Variants in SHISA9 observed in about 807,000 individuals in gnomAD.
SHISA9 encodes the protein shisa family member 9.
Under a neutral mutation model 38.0 loss-of-function variants are expected in SHISA9, and 13 were observed. The ratio of observed to expected loss-of-function variants is 0.34; its 90% CI spans 0.22 to 0.54. The LOEUF is 0.54. Ranked by LOEUF, SHISA9 falls within the 20% of genes least tolerant of loss-of-function variation. SHISA9 has a pLI of 0.91. For synonymous variants in SHISA9, 275 were observed against 242.0 expected (o/e 1.14, Z -1.27); for missense variants, 538 against 575.8 (o/e 0.93, Z 0.67).
Position 12,902,509 on chromosome 16 carries a change from A to G in SHISA9, c.445A>G (p.Lys149Glu). Residue 149 changes from lysine to glutamate, a missense_variant, in exon 1 of 5, where the codon AAG becomes GAG. Physicochemically the swap from Lys to Glu is moderately conservative, Grantham distance 56. Transcript: ENST00000558583. ...DDPLHDPTKD[K>E]TNLIVYIICG... ...CCCCTTGCACGACCCCACCAAGGAC[A>G]AGACCAACCTGATCGTCTACATCAT... 1 of 1,551,522 alleles carries G rather than the reference A, an allele frequency of 6.4e-7. No homozygotes were observed. The highest frequency in any genetic ancestry group is 8.7e-7 in the Non-Finnish European group (1 of 1,146,982).
intron 4 of SHISA9, among the ~76,000 whole-genome samples, chr16:13,219,954 T>A (rs1024222058): frequency 4.0e-5 from 6 of 151,896 alleles, no homozygotes; most frequent in African/African-American, 1.5e-4. Flanking sequence ...TGAGACTCCA[T>A]CTCAGAAAAA....
At chr16:13,068,930 A>G (rs2073468890) in intron 2 of SHISA9, among the ~76,000 whole-genome samples, 2 of 152,126 alleles carry the variant, frequency 1.3e-5, no homozygotes, top group Admixed American at 6.5e-5. Flanking sequence ...ACGTGTGTAC[A>G]TGCAATGTGT....
At chr16:13,250,133 C>T in the SHISA9 span, among the ~76,000 whole-genome samples, 2 of 152,186 alleles carry the variant, frequency 1.3e-5, no homozygotes, top group African/African-American at 4.8e-5. Context: ...CCTTTCAAGT[C>T]CCTGGCTCCT....
the SHISA9 span, among the ~76,000 whole-genome samples, chr16:13,428,865 A>G: frequency 6.6e-6 from 1 of 150,602 alleles, no homozygotes; most frequent in Admixed American, 6.6e-5. Flanking sequence ...TCCCAGGTTC[A>G]AGTGATTCTC....
At chr16:13,300,082 G>T in the SHISA9 span, among the ~76,000 whole-genome samples, 3 of 152,192 alleles carry the variant, frequency 2.0e-5, no homozygotes, top group South Asian at 6.2e-4. Context: ...TTCCAGGAAA[G>T]ACAGACTAAA....
chr16:12,919,562 C>G (rs1414856019), intron 2 of SHISA9, among the ~76,000 whole-genome samples: 1 of 152,118 alleles, frequency 6.6e-6, no homozygotes, highest in Non-Finnish European at 1.5e-5. Context: ...TATTCTTTCT[C>G]TTAAGTTTTA....
At chr16:13,407,070 CAAAAAAAAAAAA>C in the SHISA9 span, among the ~76,000 whole-genome samples, 1 of 45,594 alleles carries the variant, frequency 2.2e-5, no homozygotes, top group Admixed American at 3.1e-4. Flanking sequence ...CTCTGTCTCA[CAAAAAAAAAAAA>C]AAAAAAAAAA....
At chr16:13,500,649 T>C in the SHISA9 span, among the ~76,000 whole-genome samples, 1 of 141,830 alleles carries the variant, frequency 7.1e-6, no homozygotes, top group Non-Finnish European at 1.5e-5. Context: ...GGGCAGGGGG[T>C]TGGGGGAGAG....
chr16:13,457,996 C>T, the SHISA9 span, among the ~76,000 whole-genome samples: 2 of 151,952 alleles, frequency 1.3e-5, no homozygotes, highest in Non-Finnish European at 2.9e-5. Context: ...TTTCTTCCTT[C>T]CTTCTTCAAT....
chr16:13,498,626 G>A, the SHISA9 span, among the ~76,000 whole-genome samples: 2 of 151,876 alleles, frequency 1.3e-5, no homozygotes, highest in Non-Finnish European at 2.9e-5. Flanking sequence ...GTATGGTGGC[G>A]GGCACCTGTA....
intron 3 of SHISA9, among the ~76,000 whole-genome samples, chr16:13,211,653 G>C (rs536657670): frequency 5.0e-4 from 76 of 152,094 alleles, no homozygotes; most frequent in Non-Finnish European, 5.0e-4. Flanking sequence ...TAAATGTTCC[G>C]TAGCCTATAC....
At chr16:13,229,891 C>G (rs1031484436) in intron 4 of SHISA9, among the ~76,000 whole-genome samples, 1 of 152,162 alleles carries the variant, frequency 6.6e-6, no homozygotes, top group Non-Finnish European at 1.5e-5. Flanking sequence ...GGGATAGACT[C>G]TGCAGCTCAG....
At chr16:13,097,962 T>C (rs888941721) in intron 2 of SHISA9, among the ~76,000 whole-genome samples, 4 of 152,176 alleles carry the variant, frequency 2.6e-5, no homozygotes, top group African/African-American at 9.7e-5. Flanking sequence ...GAGAATACAG[T>C]CAACATTAAC....
chr16:13,264,804 T>A, the SHISA9 span, among the ~76,000 whole-genome samples: 21 of 151,980 alleles, frequency 1.4e-4, no homozygotes, highest in African/African-American at 5.1e-4. Context: ...ATAAGAGAAT[T>A]AAATCTTTGT....
chr16:13,494,699 C>A, the SHISA9 span, among the ~76,000 whole-genome samples: 1 of 151,982 alleles, frequency 6.6e-6, no homozygotes, highest in Admixed American at 6.6e-5. Flanking sequence ...CCATTATAAA[C>A]CATGTTTTCA....
rs2072988019 is a variant in SHISA9 at position 13,031,285 on chromosome 16, G to A, written c.691+114470G>A. Reference sequence around the variant, plus strand: ...CTCTGTCCACTGGAATAGGTTGGATGAAGAAACCCCAGTTATTCATGCTTT... The same window carrying A: ...CTCTGTCCACTGGAATAGGTTGGATAAAGAAACCCCAGTTATTCATGCTTT... On this transcript the variant is annotated intron_variant, in intron 2 of 4. Transcript: ENST00000558583. Among the ~76,000 whole-genome samples the A allele has an allele frequency of 1.3e-5, 2 of 152,176 alleles. 1 individual carries two copies. The highest frequency in any genetic ancestry group is 4.1e-4 in the South Asian group (2 of 4,834).
chr16:13,297,942 G>T, the SHISA9 span, among the ~76,000 whole-genome samples: 2 of 152,092 alleles, frequency 1.3e-5, no homozygotes, highest in Non-Finnish European at 2.9e-5. Context: ...TTTTAGTAGA[G>T]ACAGGGTTTC....
intron 4 of SHISA9, among the ~76,000 whole-genome samples, chr16:13,221,170 G>A (rs980574195): frequency 1.3e-5 from 2 of 152,168 alleles, no homozygotes; most frequent in Non-Finnish European, 2.9e-5. Context: ...ATGGTGCCCC[G>A]TGGGGAGGGC....
the SHISA9 span, among the ~76,000 whole-genome samples, chr16:13,280,117 C>CTTTTTTTTTT: frequency 3.5e-3 from 364 of 102,644 alleles, no homozygotes; most frequent in Non-Finnish European, 4.4e-3. Context: ...CTCTCTTTCT[C>CTTTTTTTTTT]TTTTTTTTTT....
Sources: allele counts gnomAD v4.1 joint callset (sites outside exome capture counted in the v4.1 genomes callset), GRCh38; gene constraint gnomAD v4.1.1; transcripts MANE v1.5; gene names NCBI Gene and HGNC (gene_info 2026-07-23, HGNC 2026-07-21).